FHIT: variants seen among roughly 807,000 people sequenced by gnomAD.
FHIT encodes fragile histidine triad diadenosine triphosphatase, also known as bis(5'-adenosyl)-triphosphatase.
FHIT carries 19 observed loss-of-function variants against 17.9 expected under a neutral mutation model. That is an observed-to-expected ratio of 1.06 (90% CI 0.74 to 1.56). The LOEUF is 1.56. Ranked by LOEUF, FHIT falls within the 40% of genes most tolerant of loss-of-function variation. The pLI is 0.00. For synonymous variants in FHIT, 81 were observed against 69.7 expected (o/e 1.16, Z -0.81); for missense variants, 248 against 189.2 (o/e 1.31, Z -1.82).
At chr3:60,385,344 G>A (rs373725806) in intron 5 of FHIT, among the ~76,000 whole-genome samples, 1 of 152,152 alleles carries the variant, frequency 6.6e-6, no homozygotes, top group Non-Finnish European at 1.5e-5. Context: ...CAGTATACAT[G>A]GCTTTGTGTA....
intron 8 of FHIT, among the ~76,000 whole-genome samples, chr3:59,813,360 C>T (rs909962327): frequency 1.3e-5 from 2 of 152,162 alleles, no homozygotes; most frequent in Non-Finnish European, 2.9e-5. Flanking sequence ...GCTTCTGGCT[C>T]TCGATAAGGT....
At chr3:61,062,429 T>C (rs1349533953) in intron 2 of FHIT, among the ~76,000 whole-genome samples, 1 of 152,202 alleles carries the variant, frequency 6.6e-6, no homozygotes, top group East Asian at 1.9e-4. Context: ...TCTGGAATCA[T>C]TTATATGCTG....
At position 60,527,540 on chromosome 3, in the gene FHIT, C is replaced by T. The variant is rs557501803; in HGVS notation, c.103+9320G>A. 5.9e-5 allele frequency among the ~76,000 whole-genome samples: 9 copies of T among 152,244 alleles called. 1 individual carries two copies. The South Asian group carries it at 6.2e-4, about 11-fold the overall frequency. ...CCATTTTATCTCAGAGCAAATTATGCGGCTAACCAAGCTAAACTGCCTGGC... is the reference window on the plus strand; with the variant it reads ...CCATTTTATCTCAGAGCAAATTATGTGGCTAACCAAGCTAAACTGCCTGGC... On this transcript the variant is annotated intron_variant, in intron 5 of 9. Coordinates refer to ENST00000492590, the MANE Select transcript of FHIT (RefSeq NM_002012.4).
rs1031462765 is a variant in FHIT, at chr3:60,181,303, A to T, written c.104-167151T>A. On this transcript the variant is annotated intron_variant, in intron 5 of 9. Transcript: ENST00000492590. The stretch of plus-strand genomic sequence containing the variant: ...TGGGATTACAGGTGCCCACCACCAC[A>T]TCTGGCTAGTTTTTATGTTTTTAGT... Among the ~76,000 whole-genome samples the T allele has an allele frequency of 4.6e-5, 7 of 151,810 alleles. 1 individual carries two copies. Among genetic ancestry groups the T allele is most frequent in the Non-Finnish European group, 1.0e-4 (7 of 67,962 alleles).
At chr3:60,477,843 A>C (rs1576725544) in intron 5 of FHIT, among the ~76,000 whole-genome samples, 1 of 152,110 alleles carries the variant, frequency 6.6e-6, no homozygotes, top group African/African-American at 2.4e-5. Flanking sequence ...ATTTTACCCA[A>C]ACTTCTCTAA....
intron 8 of FHIT, among the ~76,000 whole-genome samples, chr3:59,759,275 G>A (rs1023682532): frequency 3.0e-5 from 3 of 101,344 alleles, no homozygotes; most frequent in African/African-American, 5.2e-5. Flanking sequence ...TTGGTGTGAT[G>A]AGAAGATAGG....
chr3:60,825,356 G>C (rs1702076156), intron 3 of FHIT, among the ~76,000 whole-genome samples: 1 of 152,164 alleles, frequency 6.6e-6, no homozygotes, highest in African/African-American at 2.4e-5. Flanking sequence ...CTGTTAAAAA[G>C]AATAGATTGG....
chr3:60,024,967 G>A (rs1042671388), intron 5 of FHIT, among the ~76,000 whole-genome samples: 1 of 152,322 alleles, frequency 6.6e-6, no homozygotes, highest in African/African-American at 2.4e-5. Context: ...AGCAGGCCTG[G>A]CCTGTGGTGG....
intron 7 of FHIT, among the ~76,000 whole-genome samples, chr3:59,998,237 G>A (rs1303883324): frequency 3.9e-5 from 6 of 152,162 alleles, no homozygotes; most frequent in Non-Finnish European, 8.8e-5. Flanking sequence ...CGCAGATGAA[G>A]GGCTACAGTG....
intron 5 of FHIT, among the ~76,000 whole-genome samples, chr3:60,044,154 A>T (rs1451569507): frequency 6.6e-6 from 1 of 152,230 alleles, no homozygotes; most frequent in Non-Finnish European, 1.5e-5. Flanking sequence ...AGGAAATTTT[A>T]CAGCCAAGTA....
At chr3:60,169,829 G>A (rs1270989799) in intron 5 of FHIT, among the ~76,000 whole-genome samples, 1 of 152,134 alleles carries the variant, frequency 6.6e-6, no homozygotes, top group East Asian at 1.9e-4. Flanking sequence ...ACAAAGTGGG[G>A]ATGAAACAGT....
At chr3:60,640,195 C>A (rs2039691095) in intron 4 of FHIT, among the ~76,000 whole-genome samples, 2 of 152,054 alleles carry the variant, frequency 1.3e-5, no homozygotes, top group African/African-American at 4.8e-5. Context: ...ATGTTCTGCA[C>A]CTTGATTTTG....
intron 1 of FHIT, among the ~76,000 whole-genome samples, chr3:61,212,159 T>A (rs1183811442): frequency 6.6e-6 from 1 of 152,208 alleles, no homozygotes; most frequent in Admixed American, 6.5e-5. Context: ...GGAAAATGAC[T>A]TTGACAAGTT....
intron 8 of FHIT, among the ~76,000 whole-genome samples, chr3:59,893,007 C>A (rs1703919744): frequency 6.6e-6 from 1 of 152,166 alleles, no homozygotes; most frequent in East Asian, 1.9e-4. Context: ...TAGACACAGT[C>A]AAAGTTAACA....
intron 8 of FHIT, among the ~76,000 whole-genome samples, chr3:59,899,522 C>T (rs950152284): frequency 6.6e-6 from 1 of 152,094 alleles, no homozygotes; most frequent in Non-Finnish European, 1.5e-5. Context: ...GGATGCAAGT[C>T]AATGGAAGGT....
chr3:60,535,794 G>A (rs568599055), intron 5 of FHIT: 75 of 139,930 alleles, frequency 5.4e-4, no homozygotes, highest in Middle Eastern at 3.6e-3. Context: ...TTTGGTACAT[G>A]TTTTTCTTAT....
intron 3 of FHIT, among the ~76,000 whole-genome samples, chr3:61,017,839 C>T (rs1017069579): frequency 6.6e-6 from 1 of 152,162 alleles, no homozygotes; most frequent in Non-Finnish European, 1.5e-5. Flanking sequence ...GAACAGCTGT[C>T]TCACACAGAA....
At chr3:59,753,353 G>A (rs903723300) in intron 8 of FHIT, among the ~76,000 whole-genome samples, 3 of 152,160 alleles carry the variant, frequency 2.0e-5, no homozygotes, top group Non-Finnish European at 4.4e-5. Context: ...TTCCTCCTCA[G>A]ATTACAGGCA....
At chr3:60,169,594 C>G (rs1701329085) in intron 5 of FHIT, among the ~76,000 whole-genome samples, 1 of 152,164 alleles carries the variant, frequency 6.6e-6, no homozygotes, top group African/African-American at 2.4e-5. Flanking sequence ...CATCACAACC[C>G]ATGTTCCCCT....
Sources: gnomAD v4.1 joint callset for allele counts (sites outside exome capture counted in the v4.1 genomes callset) on GRCh38, gnomAD v4.1.1 for gene constraint, MANE v1.5 for transcripts, NCBI Gene and HGNC (gene_info 2026-07-23, HGNC 2026-07-21) for gene names.